The following MN1 variants were observed in gnomAD, a reference collection of about 807,000 sequenced individuals.
The protein encoded by MN1 is MN1 proto-oncogene, transcriptional regulator.
Under a neutral mutation model 86.9 loss-of-function variants are expected in MN1, and 19 were observed. The observed-to-expected ratio is 0.22, with a 90% CI of 0.15 to 0.32. The LOEUF is 0.32. MN1 is among the 10% of genes least tolerant of loss of function. The pLI is 1.00. For synonymous variants in MN1, 928 were observed against 849.6 expected, an observed-to-expected ratio of 1.09 and a Z score of -1.60; for missense variants, 1,841 against 1,862.0, an observed-to-expected ratio of 0.99 and a Z score of 0.21.
rs1363131803 is a variant in MN1 at position 27,750,577 on chromosome 22, C to T, written c.*338G>A. 9 of 253,560 alleles carry T rather than the reference C, an allele frequency of 3.5e-5. No individual in the cohort carries two copies. The East Asian group carries it at 5.2e-4, about 15-fold the overall frequency. The allele number at this position is 253,560 out of a possible 1,614,324, so 15.7% of individuals were successfully genotyped here. A position where few individuals can be genotyped will look rare whatever the true frequency, so the allele number is the denominator to read the frequency against. On this transcript the variant is annotated 3_prime_UTR_variant, in exon 2 of 2. Coordinates refer to ENST00000302326, the MANE Select transcript of MN1 (RefSeq NM_002430.3). The stretch of plus-strand genomic sequence containing the variant: ...AAAACAAAACAAGGAAAGAGGTCAT[C>T]TAAAAAATGTATGCCAAGATTACCG...
At chr22:27,794,607 C>CA (rs896131708) in intron 1 of MN1, among the ~76,000 whole-genome samples, 5 of 152,176 alleles carry the variant, frequency 3.3e-5, no homozygotes, top group Non-Finnish European at 7.4e-5. Context: ...ATGACACAAA[C>CA]AAAACATTTC....
chr22:27,767,263 C>T (rs1017755684), intron 1 of MN1, among the ~76,000 whole-genome samples: 6 of 152,164 alleles, frequency 3.9e-5, no homozygotes, highest in Non-Finnish European at 5.9e-5. Context: ...CCTGAGCCCC[C>T]GGACAGACCT....
At chr22:27,755,363 C>T (rs1165087579) in intron 1 of MN1, among the ~76,000 whole-genome samples, 12 of 152,202 alleles carry the variant, frequency 7.9e-5, no homozygotes, top group Non-Finnish European at 1.8e-4. Flanking sequence ...AAACAGATAA[C>T]CCTGTGTGTG....
In MN1 at chr22:27,800,579, G is replaced by T; in HGVS notation, c.-36C>A. 6.2e-7 allele frequency: 1 copy of T among 1,612,700 alleles called. No individual in the cohort carries two copies. The highest frequency in any genetic ancestry group is 1.1e-5 in the South Asian group (1 of 91,056). ...GGGCAGAGGGGGATCAATAGGGCAT[G>T]ACAGCCGGCTCTCCGCGGCGCGCCT... On this transcript the variant is annotated 5_prime_UTR_variant, in exon 1 of 2. Coordinates refer to ENST00000302326, the MANE Select transcript of MN1 (RefSeq NM_002430.3).
At chr22:27,767,167 C>A (rs1932875991) in intron 1 of MN1, among the ~76,000 whole-genome samples, 1 of 152,102 alleles carries the variant, frequency 6.6e-6, no homozygotes, top group Non-Finnish European at 1.5e-5. Flanking sequence ...ATATAGTAGG[C>A]CCTCAGTGTG....
intron 1 of MN1, among the ~76,000 whole-genome samples, chr22:27,762,350 T>C (rs1932840568): frequency 6.6e-6 from 1 of 152,048 alleles, no homozygotes; most frequent in South Asian, 2.1e-4. Flanking sequence ...ATGGAGACAG[T>C]ATCATTCTCA....
In MN1 at chr22:27,749,868, G is replaced by A. The variant is rs949424609; in HGVS notation, c.*1047C>T. 1.3e-5 allele frequency: 3 copies of A among 230,214 alleles called. No individual in the cohort carries two copies. The highest frequency in any genetic ancestry group is 5.7e-5 in the Admixed American group (1 of 17,636). The allele number at this position is 230,214 out of a possible 1,614,324, so 14.3% of individuals were successfully genotyped here. ...AATGGGAGAGGTGGAGGAGATACAC[G>A]CAGTCCCCTCCTTCTTCCCTGGGAT... On this transcript the variant is annotated 3_prime_UTR_variant, in exon 2 of 2. Transcript: ENST00000302326.
At chr22:27,751,238 C>T (rs912324901) in intron 1 of MN1, 142 bp from the exon 2 acceptor site, 1 of 562,580 alleles carries the variant, frequency 1.8e-6, no homozygotes, top group Non-Finnish European at 2.8e-6. Context: ...CCCAGAGGAT[C>T]TAGAGATGTT....
intron 1 of MN1, among the ~76,000 whole-genome samples, chr22:27,774,902 C>T (rs760186680): frequency 1.3e-5 from 2 of 152,198 alleles, no homozygotes; most frequent in Non-Finnish European, 1.5e-5. Flanking sequence ...GCTATACCCC[C>T]TCCTGAGCCC....
Position 27,763,971 on chromosome 22 carries a change from C to T in MN1, c.3782-12875G>A, listed in dbSNP as rs3819656. On this transcript the variant is annotated intron_variant, in intron 1 of 1. Transcript: ENST00000302326. ...GCAGGAAGAGGAGGCGAGAGGAGCA[C>T]GCCAAACCCAGGCGTGACTCCTTCC... is the stretch of plus-strand genomic sequence containing the variant. Among the ~76,000 whole-genome samples the T allele has an allele frequency of 3.6e-3, 546 of 152,250 alleles. 20 individuals are homozygous for T. In the East Asian group the frequency reaches 0.086, roughly 24 times the overall value.
At position 27,748,464 on chromosome 22, in the gene MN1, T is replaced by C. The variant is rs1249283679; in HGVS notation, c.*2451A>G. ...CAAGCATTTCAGAAATGAATTTCTT[T>C]TAAGAGTCAAAAAAGATTACAGGAT... On this transcript the variant is annotated 3_prime_UTR_variant, in exon 2 of 2. Transcript: ENST00000302326. 5.1e-6 allele frequency: 1 copy of C among 194,462 alleles called. No individual in the cohort carries two copies. Among genetic ancestry groups the C allele is most frequent in the East Asian group, 8.1e-5 (1 of 12,370 alleles). 12.0% of individuals were successfully genotyped at this position (194,462 alleles called of 1,614,324 possible).
In MN1 at chr22:27,797,370, C is replaced by T. The variant is rs1262778845; in HGVS notation, c.3174G>A (p.Glu1058=). Residue 1058 remains glutamate, a synonymous_variant, in exon 1 of 2, where the codon GAG becomes GAA. Coordinates refer to ENST00000302326, the MANE Select transcript of MN1 (RefSeq NM_002430.3). The part of the protein sequence containing the change: ...EVSTSYANED[E]VSSSSDNPQA... ...GGGGGTTGTCAGAGCTGGACGACAC[C>T]TCGTCCTCATTGGCGTAGCTCGTGC... 5.0e-6 allele frequency: 8 copies of T among 1,610,574 alleles called. No individual in the cohort carries two copies. In the African/African-American group the frequency reaches 8.0e-5, roughly 16 times the overall value.
intron 1 of MN1, among the ~76,000 whole-genome samples, chr22:27,765,740 G>T (rs747477720): frequency 1.9e-4 from 29 of 152,328 alleles, no homozygotes; most frequent in Non-Finnish European, 3.8e-4. Context: ...CCAAGGCCAC[G>T]CAGCGAAAAT....
At chr22:27,781,095 T>C (rs1933048263) in intron 1 of MN1, among the ~76,000 whole-genome samples, 1 of 152,152 alleles carries the variant, frequency 6.6e-6, no homozygotes, top group Admixed American at 6.5e-5. Flanking sequence ...CATGGCCAGC[T>C]AATTTTTTGT....
chr22:27,776,522 G>C (rs1047460260), intron 1 of MN1, among the ~76,000 whole-genome samples: 1 of 151,826 alleles, frequency 6.6e-6, no homozygotes, highest in African/African-American at 2.4e-5. Flanking sequence ...GGCGGAGGCT[G>C]GGGGGTGGCT....
chr22:27,755,258 C>T (rs1932794646), intron 1 of MN1, among the ~76,000 whole-genome samples: 1 of 152,146 alleles, frequency 6.6e-6, no homozygotes, highest in Admixed American at 6.5e-5. Flanking sequence ...CCTGCTGAGC[C>T]CGGCTAAGAG....
chr22:27,794,580 T>C (rs1463065183), intron 1 of MN1, among the ~76,000 whole-genome samples: 1 of 152,208 alleles, frequency 6.6e-6, no homozygotes, highest in African/African-American at 2.4e-5. Context: ...AATATTTTCA[T>C]TCATCTGACT....
chr22:27,755,450 C>T (rs1050042479), intron 1 of MN1, among the ~76,000 whole-genome samples: 9 of 152,154 alleles, frequency 5.9e-5, no homozygotes, highest in Admixed American at 5.9e-4. Context: ...CATGCCTGCC[C>T]AGCAAGGAAA....
rs1044091299 is a variant in MN1, at chr22:27,749,968, G to A, written c.*947C>T. The A allele has an allele frequency of 4.3e-6, 1 of 232,184 alleles. No individual in the cohort carries two copies. The highest frequency in any genetic ancestry group is 8.5e-6 in the Non-Finnish European group (1 of 117,392). 14.4% of individuals were successfully genotyped at this position (232,184 alleles called of 1,614,324 possible). A position where few individuals can be genotyped will look rare whatever the true frequency, so the allele number is the denominator to read the frequency against. ...CCTCCAACTCCAGCACCCAAGGCAC[G>A]GGCAGCAGCCTTGCTCCAAAGACTG... On this transcript the variant is annotated 3_prime_UTR_variant, in exon 2 of 2. Transcript: ENST00000302326.
Sources: allele counts gnomAD v4.1 joint callset (sites outside exome capture counted in the v4.1 genomes callset), GRCh38; gene constraint gnomAD v4.1.1; transcripts MANE v1.5; gene names NCBI Gene and HGNC (gene_info 2026-07-23, HGNC 2026-07-21).